CDC14B: variants seen among roughly 807,000 people sequenced by gnomAD.
CDC14B encodes the protein dual specificity protein phosphatase CDC14B.
CDC14B carries 22 observed loss-of-function variants against 64.2 expected under a neutral mutation model. That is an observed-to-expected ratio of 0.34 (90% CI 0.24 to 0.49). The LOEUF (loss-of-function observed/expected upper bound fraction) is 0.49, where lower values mean the gene tolerates loss of function less well. Among genes scored for constraint, CDC14B ranks in the 20% least tolerant of loss-of-function variants. The pLI is 0.99. For synonymous variants in CDC14B, 191 were observed against 215.8 expected (o/e 0.89, Z 1.01); for missense variants, 498 against 629.9 (o/e 0.79, Z 2.24).
rs531426986 is a variant in CDC14B at position 96,572,017 on chromosome 9, G to A, written c.161-6534C>T. 3.9e-5 allele frequency among the ~76,000 whole-genome samples: 6 copies of A among 152,202 alleles called. No individual in the cohort carries two copies. In the South Asian group the frequency reaches 1.2e-3, roughly 32 times the overall value. ...ACAAGCAATGAAATCTCCACTAGAGGCCCAAAGGACAGGGTTCAGAGGGCT... is the reference window on the plus strand; with the variant it reads ...ACAAGCAATGAAATCTCCACTAGAGACCCAAAGGACAGGGTTCAGAGGGCT... On this transcript the variant is annotated intron_variant, in intron 1 of 13. Coordinates refer to ENST00000375241, the MANE Select transcript of CDC14B (RefSeq NM_033331.4).
chr9:96,586,636 A>G (rs757978419), intron 1 of CDC14B, among the ~76,000 whole-genome samples: 2 of 152,022 alleles, frequency 1.3e-5, no homozygotes, highest in African/African-American at 2.4e-5. Flanking sequence ...GGGTCTTGCC[A>G]TGTTGCTCAG....
chr9:96,579,604 G>C (rs1845019109), intron 1 of CDC14B, among the ~76,000 whole-genome samples: 1 of 151,040 alleles, frequency 6.6e-6, no homozygotes, highest in South Asian at 2.1e-4. Context: ...AAAAAAGGGA[G>C]ATACCAGAGC....
chr9:96,496,749 C>G (rs1187301663), downstream of CDC14B, among the ~76,000 whole-genome samples: 1 of 152,234 alleles, frequency 6.6e-6, no homozygotes, highest in African/African-American at 2.4e-5. Context: ...CCGGGGAGCC[C>G]GTCCCGCGCC....
intron 12 of CDC14B, chr9:96,514,439 C>G: frequency 1.0e-6 from 1 of 985,324 alleles, no homozygotes; most frequent in Non-Finnish European, 1.2e-6. Context: ...TCTGAATGCG[C>G]GACAATAAGC....
chr9:96,527,708 C>T (rs925363122), intron 9 of CDC14B, among the ~76,000 whole-genome samples: 1 of 152,070 alleles, frequency 6.6e-6, no homozygotes, highest in African/African-American at 2.4e-5. Flanking sequence ...CTCCACCTCC[C>T]GGGTTCACGC....
intron 12 of CDC14B, among the ~76,000 whole-genome samples, chr9:96,521,316 T>C (rs1035168369): frequency 6.6e-6 from 1 of 152,162 alleles, no homozygotes; most frequent in African/African-American, 2.4e-5. Flanking sequence ...TGACCTCAGG[T>C]GATCTGCCCA....
intron 4 of CDC14B, among the ~76,000 whole-genome samples, chr9:96,556,763 A>AT (rs1442621267): frequency 3.3e-5 from 5 of 152,202 alleles, no homozygotes; most frequent in African/African-American, 4.8e-5. Context: ...AAAAATCTTG[A>AT]TTTTTTAAAA....
chr9:96,603,191 C>A (rs16911400), intron 1 of CDC14B, among the ~76,000 whole-genome samples: 65 of 150,568 alleles, frequency 4.3e-4, no homozygotes, highest in South Asian at 2.1e-4. Flanking sequence ...CACACACACA[C>A]AAATACACAA....
rs1359441646 is a variant in CDC14B at position 96,502,832 on chromosome 9, G to T, written c.*921C>A. 5 of 397,788 alleles carry T rather than the reference G, an allele frequency of 1.3e-5. No individual in the cohort carries two copies. Among genetic ancestry groups the T allele is most frequent in the Non-Finnish European group, 2.2e-5 (5 of 225,880 alleles). 24.6% of individuals were successfully genotyped at this position (397,788 alleles called of 1,614,324 possible). A position where few individuals can be genotyped will look rare whatever the true frequency, so the allele number is the denominator to read the frequency against. ...GAAAAAAAAAATCCAATGTTACAGG[G>T]AAGGACTCTAAAAAAGTGGTAACTT... On this transcript the variant is annotated 3_prime_UTR_variant, in exon 14 of 14. Coordinates refer to ENST00000375241, the MANE Select transcript of CDC14B (RefSeq NM_033331.4).
chr9:96,593,348 G>A (rs768462355), intron 1 of CDC14B, among the ~76,000 whole-genome samples: 51 of 152,030 alleles, frequency 3.4e-4, no homozygotes, highest in African/African-American at 1.1e-3. Context: ...TTAGCTGGGC[G>A]TAGTGGTGCA....
At chr9:96,574,839 C>T (rs895836726) in intron 1 of CDC14B, among the ~76,000 whole-genome samples, 2 of 151,144 alleles carry the variant, frequency 1.3e-5, no homozygotes, top group African/African-American at 4.9e-5. Context: ...TTAGAATTTA[C>T]AAAGCACCAT....
intron 1 of CDC14B, among the ~76,000 whole-genome samples, chr9:96,594,714 C>CAAA (rs11414625): frequency 1.7e-3 from 73 of 42,284 alleles, no homozygotes; most frequent in African/African-American, 2.4e-3. Flanking sequence ...AAGGCTGTCT[C>CAAA]AAAAAAAAAA....
chr9:96,494,748 T>TCCTCCCCTCCCCTCCCGTCCCCTCCCC (rs1833175250), intron 13 of CDC14B, among the ~76,000 whole-genome samples: 1 of 140,110 alleles, frequency 7.1e-6, no homozygotes, highest in Non-Finnish European at 1.6e-5. Context: ...TTCCTTTTCT[T>TCCTCCCCTCCCCTCCCGTCCCCTCCCC]CCTCCCCTCC....
intron 1 of CDC14B, among the ~76,000 whole-genome samples, chr9:96,577,516 T>A (rs998037530): frequency 2.0e-5 from 3 of 152,132 alleles, no homozygotes; most frequent in African/African-American, 7.2e-5. Flanking sequence ...GATTAAAAAG[T>A]TGAACATAAT....
At chr9:96,504,037 A>G (rs1052021454) in intron 13 of CDC14B, among the ~76,000 whole-genome samples, 1 of 152,214 alleles carries the variant, frequency 6.6e-6, no homozygotes, top group Non-Finnish European at 1.5e-5. Flanking sequence ...AAAAAAACCA[A>G]TACGAGTAAA....
Position 96,529,762 on chromosome 9 carries a change from G to A in CDC14B, c.946+4165C>T, listed in dbSNP as rs569814599. On this transcript the variant is annotated intron_variant, in intron 9 of 13. Coordinates refer to ENST00000375241, the MANE Select transcript of CDC14B (RefSeq NM_033331.4). ...TCTGTCTCAGCCTCCCAAAGTACTGGGATTACAGGTGTTAAGCTACCATGC... is the reference window on the plus strand; with the variant it reads ...TCTGTCTCAGCCTCCCAAAGTACTGAGATTACAGGTGTTAAGCTACCATGC... Among the ~76,000 whole-genome samples, 123 of 149,428 alleles carry A rather than the reference G, an allele frequency of 8.2e-4. 1 individual carries two copies. The highest frequency in any genetic ancestry group is 3.1e-3 in the African/African-American group (121 of 38,872).
At chr9:96,494,775 C>T (rs1216585728) in intron 13 of CDC14B, among the ~76,000 whole-genome samples, 1 of 109,368 alleles carries the variant, frequency 9.1e-6, no homozygotes, top group Non-Finnish European at 1.9e-5. Flanking sequence ...GTCCCCTCCC[C>T]CCTCCCGTCC....
intron 1 of CDC14B, among the ~76,000 whole-genome samples, chr9:96,577,044 G>C (rs1450646384): frequency 6.6e-6 from 1 of 152,116 alleles, no homozygotes; most frequent in Admixed American, 6.6e-5. Flanking sequence ...CTAGAGGTCA[G>C]GAGTTCGAGA....
intron 9 of CDC14B, among the ~76,000 whole-genome samples, chr9:96,527,404 C>A (rs1837738050): frequency 6.6e-6 from 1 of 151,664 alleles, no homozygotes; most frequent in Non-Finnish European, 1.5e-5. Context: ...GTCTCAAAAA[C>A]AAAAACAAAA....
Sources: allele counts gnomAD v4.1 joint callset (sites outside exome capture counted in the v4.1 genomes callset), GRCh38; gene constraint gnomAD v4.1.1; transcripts MANE v1.5; gene names NCBI Gene and HGNC (gene_info 2026-07-23, HGNC 2026-07-21).